The following DNAH14 variants were observed in gnomAD, a reference collection of about 807,000 sequenced individuals.
DNAH14 encodes dynein axonemal heavy chain 14.
DNAH14 carries 478 observed loss-of-function variants against 520.9 expected under a neutral mutation model. The observed-to-expected ratio is 0.92, with a 90% CI of 0.85 to 0.99. DNAH14 has a LOEUF of 0.99. DNAH14 is among the 50% of genes least tolerant of loss of function. The probability of loss-of-function intolerance (pLI) is 0.00; values close to 1 mark genes in which losing one functional copy is unlikely to be tolerated. For missense variants in DNAH14, 4,831 were observed against 5,234.5 expected (o/e 0.92, Z 2.38); for synonymous variants, 1,581 against 1,757.2 (o/e 0.90, Z 2.51).
rs2060420045 is a variant in DNAH14, at chr1:224,954,971, T to C, written c.90T>C (p.Tyr30=). Residue 30 remains tyrosine, a synonymous_variant, in exon 3 of 86, where the codon TAT becomes TAC. Transcript: ENST00000682510. ...CTTTGTCATTTAGACTTTTAAGATA[T>C]GAAGAGAAAAAATATGAAGATGTGA... is the stretch of plus-strand genomic sequence containing the variant. The part of the protein sequence containing the change: ...ETKTKPRLLR[Y]EEKKYEDVKP... 40 of 1,593,144 alleles carry C rather than the reference T, an allele frequency of 2.5e-5. No homozygotes were observed. The highest frequency in any genetic ancestry group is 3.4e-5 in the Non-Finnish European group (40 of 1,168,252).
At chr1:225,347,383 T>C (rs1293713176) in intron 71 of DNAH14, among the ~76,000 whole-genome samples, 1 of 152,200 alleles carries the variant, frequency 6.6e-6, no homozygotes, top group African/African-American at 2.4e-5. Context: ...TTGCATCATT[T>C]GACACATGCC....
intron 17 of DNAH14, among the ~76,000 whole-genome samples, chr1:225,070,296 T>C (rs928909503): frequency 2.0e-4 from 30 of 152,206 alleles, no homozygotes; most frequent in African/African-American, 6.8e-4. Flanking sequence ...AGTTGTGATG[T>C]TAGGTTGTTA....
intron 6 of DNAH14, chr1:224,968,033 A>G: frequency 1.2e-6 from 1 of 847,102 alleles, no homozygotes; most frequent in Non-Finnish European, 1.4e-6. Flanking sequence ...TGTTTTAATG[A>G]TTTGTTTAAT....
chr1:225,251,781 A>G (rs780361666), intron 43 of DNAH14, among the ~76,000 whole-genome samples: 6 of 152,198 alleles, frequency 3.9e-5, no homozygotes, highest in Non-Finnish European at 7.4e-5. Flanking sequence ...ACACTTTTCC[A>G]AAGATTTATT....
chr1:224,998,887 C>G (rs2063564794), intron 8 of DNAH14, among the ~76,000 whole-genome samples: 1 of 152,024 alleles, frequency 6.6e-6, no homozygotes, highest in Non-Finnish European at 1.5e-5. Flanking sequence ...GGATTTGTCT[C>G]TTTTTCCTTT....
At chr1:225,182,318 G>T (rs2084133246) in intron 36 of DNAH14, among the ~76,000 whole-genome samples, 1 of 151,976 alleles carries the variant, frequency 6.6e-6, no homozygotes, top group South Asian at 2.1e-4. Flanking sequence ...ATTCACATAG[G>T]GAAAAATAGA....
Position 225,102,475 on chromosome 1 carries a change from T to C in DNAH14, c.3867+1591T>C, listed in dbSNP as rs866082775. Among the ~76,000 whole-genome samples the C allele has an allele frequency of 2.1e-3, 318 of 152,298 alleles. 1 individual carries two copies. The highest frequency in any genetic ancestry group is 7.3e-3 in the African/African-American group (305 of 41,576). On this transcript the variant is annotated intron_variant, in intron 23 of 85. Coordinates refer to ENST00000682510, the MANE Select transcript of DNAH14 (RefSeq NM_001367479.1). ...CCTGAGGAATCACCACACTGACTTC[T>C]ACAATGGCTGAACTAGTTTACAGTC...
At chr1:224,953,469 A>G (rs1329929209) in intron 2 of DNAH14, among the ~76,000 whole-genome samples, 1 of 152,216 alleles carries the variant, frequency 6.6e-6, no homozygotes, top group African/African-American at 2.4e-5. Flanking sequence ...CAAAATTTAT[A>G]TAGAAGAGCA....
intron 41 of DNAH14, among the ~76,000 whole-genome samples, chr1:225,219,051 A>G (rs1338690086): frequency 6.6e-6 from 1 of 152,224 alleles, no homozygotes; most frequent in African/African-American, 2.4e-5. Flanking sequence ...CTTCTGAACG[A>G]CTACTGGGTA....
At chr1:225,126,603 T>C (rs1313610474) in intron 27 of DNAH14, among the ~76,000 whole-genome samples, 3 of 152,172 alleles carry the variant, frequency 2.0e-5, no homozygotes, top group Admixed American at 1.3e-4. Flanking sequence ...TCTCTTTTTT[T>C]CTTTATTAGT....
At chr1:225,233,849 A>G (rs1310133419) in intron 42 of DNAH14, among the ~76,000 whole-genome samples, 1 of 152,104 alleles carries the variant, frequency 6.6e-6, no homozygotes, top group Admixed American at 6.6e-5. Context: ...TTTTTGTCAT[A>G]AAATTTTTGC....
In DNAH14 at chr1:225,324,807, C is replaced by G; in HGVS notation, c.9698C>G (p.Ala3233Gly). 6.4e-7 allele frequency: 1 copy of G among 1,551,342 alleles called. No individual in the cohort carries two copies. The highest frequency in any genetic ancestry group is 1.7e-4 in the Middle Eastern group (1 of 5,986). Residue 3233 changes from alanine to glycine, a missense_variant, in exon 64 of 86, where the codon GCT becomes GGT. Physicochemically the swap from Ala to Gly is moderately conservative, Grantham distance 60. Coordinates refer to ENST00000682510, the MANE Select transcript of DNAH14 (RefSeq NM_001367479.1). The stretch of plus-strand genomic sequence containing the variant: ...CTTAAAATTGCGCGACAAAGACTTG[C>G]TGAGAAACAAAGAGGTTTACAGCTG... Reference protein sequence around the residue: ...NVLKIARQRLAEKQRGLQLVE... With the variant: ...NVLKIARQRLGEKQRGLQLVE...
intron 11 of DNAH14, among the ~76,000 whole-genome samples, chr1:225,037,648 G>A (rs6660193): frequency 6.6e-6 from 1 of 151,642 alleles, no homozygotes; most frequent in Non-Finnish European, 1.5e-5. Flanking sequence ...AATATGAATA[G>A]TTTACACATC....
intron 17 of DNAH14, among the ~76,000 whole-genome samples, chr1:225,062,232 T>C (rs1380506932): frequency 6.6e-6 from 1 of 151,954 alleles, no homozygotes; most frequent in Non-Finnish European, 1.5e-5. Flanking sequence ...TCCCAGGAAG[T>C]TGAGGCTGCA....
At chr1:225,328,597 G>A (rs1232567121) in intron 64 of DNAH14, among the ~76,000 whole-genome samples, 1 of 151,206 alleles carries the variant, frequency 6.6e-6, no homozygotes, top group Non-Finnish European at 1.5e-5. Flanking sequence ...TTATTTGCCT[G>A]GACCCTAATA....
rs1296183054 is a variant in DNAH14, at chr1:225,335,634, T to A, written c.10081-1632T>A. On this transcript the variant is annotated intron_variant, in intron 66 of 85. Transcript: ENST00000682510. Reference sequence around the variant, plus strand: ...ATGTGTATATACGCATATATACATATGTGCATATATGTATATACGCATATA... The same window carrying A: ...ATGTGTATATACGCATATATACATAAGTGCATATATGTATATACGCATATA... Among the ~76,000 whole-genome samples the A allele has an allele frequency of 2.1e-5, 3 of 139,652 alleles. 1 individual carries two copies. Among genetic ancestry groups the A allele is most frequent in the Non-Finnish European group, 4.6e-5 (3 of 64,614 alleles). The allele number at this position is 139,652 out of a possible 152,430, so 91.6% of individuals were successfully genotyped here.
intron 12 of DNAH14, among the ~76,000 whole-genome samples, chr1:225,040,631 G>A (rs1027946333): frequency 1.3e-5 from 2 of 152,084 alleles, no homozygotes; most frequent in African/African-American, 4.8e-5. Flanking sequence ...GTTATTTTCA[G>A]TTTTTGTTTT....
At chr1:225,272,822 G>A (rs767527511) in intron 51 of DNAH14, 133 bp from the exon 52 acceptor site, 2 of 906,532 alleles carry the variant, frequency 2.2e-6, no homozygotes, top group Non-Finnish European at 3.2e-6. Context: ...ATCACTTGTA[G>A]AAATTCACAA....
Position 225,041,938 on chromosome 1 carries a change from T to TG in DNAH14, c.1489-895dup, listed in dbSNP as rs535322575. Among the ~76,000 whole-genome samples, 200 of 152,302 alleles carry TG rather than the reference T, an allele frequency of 1.3e-3. 1 individual carries two copies. Among genetic ancestry groups the TG allele is most frequent in the Middle Eastern group, 3.4e-3 (1 of 294 alleles). On this transcript the variant is annotated intron_variant, in intron 12 of 85. Coordinates refer to ENST00000682510, the MANE Select transcript of DNAH14 (RefSeq NM_001367479.1). ...TTTAACCGTTTTTAGGTGTACAGTTTGGTGGTATTAGGTACATTCAGTGTT... is the reference window on the plus strand; with the variant it reads ...TTTAACCGTTTTTAGGTGTACAGTTTGGGTGGTATTAGGTACATTCAGTGTT...
Sources: gnomAD v4.1 joint callset for allele counts (sites outside exome capture counted in the v4.1 genomes callset) on GRCh38, gnomAD v4.1.1 for gene constraint, MANE v1.5 for transcripts, NCBI Gene and HGNC (gene_info 2026-07-23, HGNC 2026-07-21) for gene names.